The following SEMA6D variants were observed in gnomAD, a reference collection of about 807,000 sequenced individuals.
The protein encoded by SEMA6D is semaphorin 6D, also known as semaphorin-6D.
Under a neutral mutation model 106.6 loss-of-function variants are expected in SEMA6D, and 35 were observed. The observed-to-expected ratio is 0.33, with a 90% CI of 0.25 to 0.44. SEMA6D has a LOEUF of 0.44. SEMA6D is among the 20% of genes least tolerant of loss of function. SEMA6D has a pLI of 1.00. For missense variants in SEMA6D, 1,185 were observed against 1,345.9 expected (o/e 0.88, Z 1.87); for synonymous variants, 499 against 487.7 (o/e 1.02, Z -0.31).
chr15:47,745,471 C>T (rs975363869), intron 1 of SEMA6D, among the ~76,000 whole-genome samples: 1 of 152,270 alleles, frequency 6.6e-6, no homozygotes, highest in Non-Finnish European at 1.5e-5. Context: ...CTGCTCAACG[C>T]TTGTCAGCCT....
chr15:47,622,094 A>G (rs1172053764), intron 4 of SEMA6D, among the ~76,000 whole-genome samples: 4 of 150,914 alleles, frequency 2.7e-5, no homozygotes, highest in Non-Finnish European at 5.9e-5. Flanking sequence ...TCATCAGGGT[A>G]GATTGCTGGT....
At chr15:47,550,489 A>G (rs1566879769) in intron 3 of SEMA6D, among the ~76,000 whole-genome samples, 1 of 152,148 alleles carries the variant, frequency 6.6e-6, no homozygotes, top group Non-Finnish European at 1.5e-5. Flanking sequence ...TTTTTGTAGG[A>G]TACAATATGT....
intron 1 of SEMA6D, among the ~76,000 whole-genome samples, chr15:47,306,478 TTG>T (rs2036238120): frequency 6.6e-6 from 1 of 152,134 alleles, no homozygotes; most frequent in Non-Finnish European, 1.5e-5. Flanking sequence ...TCCCAGCACT[TTG>T]AGAGGCTGAG....
chr15:47,681,249 TTGAGA>T (rs2078347218), intron 4 of SEMA6D, among the ~76,000 whole-genome samples: 1 of 152,192 alleles, frequency 6.6e-6, no homozygotes, highest in African/African-American at 2.4e-5. Context: ...TGTACATACA[TTGAGA>T]TATTATTCAG....
intron 4 of SEMA6D, among the ~76,000 whole-genome samples, chr15:47,707,186 A>G (rs984662487): frequency 6.6e-6 from 1 of 152,214 alleles, no homozygotes; most frequent in African/African-American, 2.4e-5. Context: ...ATGATGTCCA[A>G]GAAAATTGAG....
Position 47,770,807 on chromosome 15 carries a change from A to G in SEMA6D, c.2244A>G (p.Leu748=), listed in dbSNP as rs753737531. 8.1e-6 allele frequency: 13 copies of G among 1,613,930 alleles called. No individual in the cohort carries two copies. In the South Asian group the frequency reaches 8.8e-5, roughly 11 times the overall value. Residue 748 remains leucine, a synonymous_variant, in exon 19 of 19, where the codon CTA becomes CTG. Transcript: ENST00000536845. ...ACCTGCTAACCAGTCGGAAAGAGCT[A>G]CCACCCAATGGAGATACTAAATCCA... ...YSNLLTSRKE[L]PPNGDTKSMV... is the part of the protein sequence containing the mutation.
chr15:47,373,516 A>C (rs1408650995), intron 1 of SEMA6D, among the ~76,000 whole-genome samples: 2 of 152,144 alleles, frequency 1.3e-5, no homozygotes, highest in Non-Finnish European at 2.9e-5. Context: ...GAGTGAGCAA[A>C]AAGGGCCTTT....
intron 1 of SEMA6D, among the ~76,000 whole-genome samples, chr15:47,758,844 A>G (rs1329493257): frequency 1.3e-5 from 2 of 152,160 alleles, no homozygotes; most frequent in African/African-American, 2.4e-5. Flanking sequence ...CTGGACTCCA[A>G]TCTTGCCTTA....
At chr15:47,438,897 C>T (rs2041803990) in intron 2 of SEMA6D, among the ~76,000 whole-genome samples, 1 of 151,982 alleles carries the variant, frequency 6.6e-6, no homozygotes, top group Non-Finnish European at 1.5e-5. Context: ...AACAGATGCA[C>T]AATCAATATT....
chr15:47,603,384 A>G (rs3817170), intron 4 of SEMA6D: 36,587 of 151,934 alleles, frequency 0.24, 5,268 homozygotes, highest in East Asian at 0.46. Flanking sequence ...GGAACTTCCA[A>G]TCCTGCTTTA....
chr15:47,213,685 A>G (rs574015691), intron 1 of SEMA6D, among the ~76,000 whole-genome samples: 1 of 152,260 alleles, frequency 6.6e-6, no homozygotes, highest in Admixed American at 6.5e-5. Context: ...AAATCAGTAA[A>G]AGACATTTTG....
intron 4 of SEMA6D, among the ~76,000 whole-genome samples, chr15:47,618,106 AC>A (rs2077038786): frequency 6.6e-6 from 1 of 152,134 alleles, no homozygotes; most frequent in South Asian, 2.1e-4. Flanking sequence ...GGGTGACCTA[AC>A]CCTTGCTGGG....
At chr15:47,194,387 G>C (rs999813355) in intron 1 of SEMA6D, among the ~76,000 whole-genome samples, 1 of 152,092 alleles carries the variant, frequency 6.6e-6, no homozygotes, top group African/African-American at 2.4e-5. Flanking sequence ...GGGGAGGTAA[G>C]TGGACTGGGG....
intron 1 of SEMA6D, among the ~76,000 whole-genome samples, chr15:47,255,572 A>G (rs2033762803): frequency 6.6e-6 from 1 of 152,018 alleles, no homozygotes; most frequent in South Asian, 2.1e-4. Context: ...ATTTCTTTAT[A>G]TATTTTGATA....
At chr15:47,562,327 A>T (rs1407969532) in intron 3 of SEMA6D, among the ~76,000 whole-genome samples, 1 of 152,104 alleles carries the variant, frequency 6.6e-6, no homozygotes, top group Non-Finnish European at 1.5e-5. Flanking sequence ...CCTAAAATGT[A>T]GGAACTTAGA....
intron 1 of SEMA6D, among the ~76,000 whole-genome samples, chr15:47,227,530 T>C (rs1360626991): frequency 7.0e-6 from 1 of 142,882 alleles, no homozygotes; most frequent in Non-Finnish European, 1.5e-5. Context: ...TCTTTCTTCC[T>C]CTTTCTCCTC....
intron 3 of SEMA6D, among the ~76,000 whole-genome samples, chr15:47,557,880 G>C (rs1566888190): frequency 1.3e-5 from 2 of 152,188 alleles, no homozygotes; most frequent in East Asian, 1.9e-4. Flanking sequence ...CTGTACTGTT[G>C]GTGGCAAAAG....
At chr15:47,312,987 T>C (rs1175347503) in intron 1 of SEMA6D, among the ~76,000 whole-genome samples, 1 of 152,186 alleles carries the variant, frequency 6.6e-6, no homozygotes, top group Non-Finnish European at 1.5e-5. Context: ...AGAGCAGTTT[T>C]AGGTTCACAG....
At chr15:47,671,489 A>G (rs1566975007) in intron 4 of SEMA6D, among the ~76,000 whole-genome samples, 1 of 152,192 alleles carries the variant, frequency 6.6e-6, no homozygotes, top group Admixed American at 6.5e-5. Flanking sequence ...CATCAGACAA[A>G]GGAAAAGTGA....
Sources: gnomAD v4.1 joint callset for allele counts (sites outside exome capture counted in the v4.1 genomes callset) on GRCh38, gnomAD v4.1.1 for gene constraint, MANE v1.5 for transcripts, NCBI Gene and HGNC (gene_info 2026-07-23, HGNC 2026-07-21) for gene names.